The following GALNT14 variants were observed in gnomAD, a reference collection of about 807,000 sequenced individuals.
GALNT14 encodes the protein polypeptide N-acetylgalactosaminyltransferase 14.
In GALNT14, 60 loss-of-function variants were observed where a neutral mutation model predicts 77.5. The observed-to-expected ratio is 0.77, with a 90% CI of 0.63 to 0.96. The LOEUF is 0.96. Ranked by LOEUF, GALNT14 falls within the 40% of genes least tolerant of loss-of-function variation. The probability of loss-of-function intolerance (pLI) is 0.00; values close to 1 mark genes in which losing one functional copy is unlikely to be tolerated. For synonymous variants in GALNT14, 280 were observed against 281.7 expected (o/e 0.99, Z 0.06); for missense variants, 710 against 731.0 (o/e 0.97, Z 0.33).
chr2:30,908,756 T>G (rs1664213845), downstream of GALNT14, among the ~76,000 whole-genome samples: 1 of 130,610 alleles, frequency 7.7e-6, no homozygotes, highest in Admixed American at 7.8e-5. Flanking sequence ...GCCAAGTCAA[T>G]CCTAAGCCAA....
intron 1 of GALNT14, among the ~76,000 whole-genome samples, chr2:31,025,642 G>C (rs1246847989): frequency 2.6e-5 from 4 of 152,208 alleles, no homozygotes; most frequent in African/African-American, 9.6e-5. Context: ...TGAGGACAAG[G>C]TTGAAAGCAT....
chr2:31,026,342 A>C (rs1438100725), intron 1 of GALNT14, among the ~76,000 whole-genome samples: 1 of 152,182 alleles, frequency 6.6e-6, no homozygotes, highest in Admixed American at 6.5e-5. Context: ...TAGTCTTAGC[A>C]CGAGGATGCT....
At position 30,932,142 on chromosome 2, in the gene GALNT14, G is replaced by A. The variant is rs1435857111; in HGVS notation, c.984C>T (p.Cys328=). Residue 328 remains cysteine (C), a synonymous_variant, in exon 10 of 15, where the codon TGC becomes TGT. Coordinates refer to ENST00000349752, the MANE Select transcript of GALNT14 (RefSeq NM_024572.4). ...TCCGGAAGACGTGCCCCACTCGGCT[G>A]CAGGGGACGATCTCTAGGCTGCCCC... ...MCGGSLEIVP[C]SRVGHVFRKK... The A allele has an allele frequency of 3.2e-6, 5 of 1,570,862 alleles. No homozygotes were observed. The highest frequency in any genetic ancestry group is 3.5e-6 in the Non-Finnish European group (4 of 1,158,418).
chr2:30,942,269 T>A lies in GALNT14; in HGVS notation c.863A>T (p.Asp288Val). The stretch of plus-strand genomic sequence containing the variant: ...CCCCAGGTAATCAAACCAAGCTTTG[T>A]CGATCACGAAGAGCCCTCCAGCTAT... ...PIIAGGLFVIDKAWFDYLGKY... is the reference protein window; with the variant it reads ...PIIAGGLFVIVKAWFDYLGKY... The change falls in exon 9 of 15, where the codon GAC becomes GTC. Residue 288 changes from aspartate to valine, a missense_variant. Physicochemically the swap from Asp to Val is radical, Grantham distance 152. Transcript: ENST00000349752. The A allele has an allele frequency of 1.2e-6, 2 of 1,614,116 alleles. No individual in the cohort carries two copies. The highest frequency in any genetic ancestry group is 1.7e-6 in the Non-Finnish European group (2 of 1,180,012).
chr2:30,998,101 C>T (rs1263684766), intron 1 of GALNT14, among the ~76,000 whole-genome samples: 1 of 152,150 alleles, frequency 6.6e-6, no homozygotes, highest in African/African-American at 2.4e-5. Context: ...ATAAGCCAGG[C>T]ACAGAAAGAC....
At chr2:31,102,297 T>C (rs1330342364) in intron 1 of GALNT14, among the ~76,000 whole-genome samples, 1 of 152,158 alleles carries the variant, frequency 6.6e-6, no homozygotes, top group Non-Finnish European at 1.5e-5. Flanking sequence ...AGCCATCAGT[T>C]TTCCTCTGAG....
In GALNT14 at chr2:31,130,255, G is replaced by A. The variant is rs7607657; in HGVS notation, c.129+7703C>T. On this transcript the variant is annotated intron_variant, in intron 1 of 14. Transcript: ENST00000349752. ...CCAGCGATAAGGGCTCCTGCTGATAGAAAGGCCAGAGTGGCAACCTCCTTC... is the reference window on the plus strand; with the variant it reads ...CCAGCGATAAGGGCTCCTGCTGATAAAAAGGCCAGAGTGGCAACCTCCTTC... Among the ~76,000 whole-genome samples the A allele has an allele frequency of 2.4e-3, 361 of 152,318 alleles. 4 individuals carry two copies. The highest frequency in any genetic ancestry group is 8.1e-3 in the African/African-American group (336 of 41,550).
intron 2 of GALNT14, among the ~76,000 whole-genome samples, chr2:30,981,901 T>G (rs1391745920): frequency 1.3e-5 from 2 of 152,192 alleles, no homozygotes; most frequent in African/African-American, 4.8e-5. Context: ...GCATGCACTT[T>G]CGCAGGCTCA....
At chr2:31,079,006 T>G (rs1481981472) in intron 1 of GALNT14, 1 of 1,288,146 alleles carries the variant, frequency 7.8e-7, no homozygotes, top group Admixed American at 2.3e-5. Flanking sequence ...AGTGGGCTGC[T>G]GAAATTGCAT....
chr2:31,010,416 G>A (rs887803766), intron 1 of GALNT14, among the ~76,000 whole-genome samples: 18 of 152,146 alleles, frequency 1.2e-4, no homozygotes, highest in Non-Finnish European at 2.1e-4. Context: ...TGGCTAACAC[G>A]GTAAAACCCC....
At chr2:30,889,895 C>T in the GALNT14 span, among the ~76,000 whole-genome samples, 9 of 152,178 alleles carry the variant, frequency 5.9e-5, no homozygotes, top group African/African-American at 2.2e-4. Context: ...TATTTTCTTG[C>T]TTGCCTAACT....
intron 3 of GALNT14, among the ~76,000 whole-genome samples, chr2:30,962,571 A>G (rs1004886471): frequency 6.6e-6 from 1 of 152,190 alleles, no homozygotes; most frequent in Admixed American, 6.5e-5. Flanking sequence ...ACCACTCTTC[A>G]GGGCTTGTTT....
chr2:31,057,380 A>G (rs1354912088), intron 1 of GALNT14, among the ~76,000 whole-genome samples: 2 of 131,502 alleles, frequency 1.5e-5, no homozygotes, highest in African/African-American at 6.5e-5. Context: ...GTGTGTATAT[A>G]TATATATATA....
intron 9 of GALNT14, among the ~76,000 whole-genome samples, chr2:30,937,356 T>C (rs1572996901): frequency 6.6e-6 from 1 of 152,246 alleles, no homozygotes; most frequent in African/African-American, 2.4e-5. Context: ...CCCACAAACT[T>C]AGTGGGTGGG....
At chr2:31,120,854 C>A (rs532831880) in intron 1 of GALNT14, among the ~76,000 whole-genome samples, 3 of 152,238 alleles carry the variant, frequency 2.0e-5, no homozygotes, top group Non-Finnish European at 4.4e-5. Flanking sequence ...CCACGCCCAG[C>A]CATGGACACA....
chr2:31,105,417 G>A (rs1283903238), intron 1 of GALNT14, among the ~76,000 whole-genome samples: 6 of 152,160 alleles, frequency 3.9e-5, no homozygotes, highest in African/African-American at 1.4e-4. Flanking sequence ...ACTTCTCTGA[G>A]GCCCCCTGGT....
At chr2:31,016,300 G>A (rs1671351927) in intron 1 of GALNT14, among the ~76,000 whole-genome samples, 1 of 152,052 alleles carries the variant, frequency 6.6e-6, no homozygotes, top group Admixed American at 6.6e-5. Flanking sequence ...CTTCTTGTAA[G>A]GACACCAATC....
At position 31,120,088 on chromosome 2, in the gene GALNT14, G is replaced by A. The variant is rs983641873; in HGVS notation, c.129+17870C>T. On this transcript the variant is annotated intron_variant, in intron 1 of 14. Coordinates refer to ENST00000349752, the MANE Select transcript of GALNT14 (RefSeq NM_024572.4). ...GGAGAATGGCGTGAACCCGGGAGGCGGAGCTTGCAGTGAGCCGAGATCGCG... is the reference window on the plus strand; with the variant it reads ...GGAGAATGGCGTGAACCCGGGAGGCAGAGCTTGCAGTGAGCCGAGATCGCG... Among the ~76,000 whole-genome samples, 3 of 76,110 alleles carry A rather than the reference G, an allele frequency of 3.9e-5. 1 individual carries two copies. The highest frequency in any genetic ancestry group is 1.1e-4 in the Non-Finnish European group (3 of 26,812). The allele number at this position is 76,110 out of a possible 152,430, so 49.9% of individuals were successfully genotyped here.
chr2:31,031,253 G>A lies in GALNT14; in HGVS notation c.130-38246C>T, dbSNP rs533534489. On this transcript the variant is annotated intron_variant, in intron 1 of 14. Coordinates refer to ENST00000349752, the MANE Select transcript of GALNT14 (RefSeq NM_024572.4). ...CCTGTCAGGTCACCCCAGAGAACAG[G>A]CAGCCCCAGAGGTTGGGGAGAAAGT... Among the ~76,000 whole-genome samples, 240 of 152,138 alleles carry A rather than the reference G, an allele frequency of 1.6e-3. 2 individuals are homozygous for A. Among genetic ancestry groups the A allele is most frequent in the African/African-American group, 5.5e-3 (228 of 41,500 alleles).
Sources: gnomAD v4.1 joint callset for allele counts (sites outside exome capture counted in the v4.1 genomes callset) on GRCh38, gnomAD v4.1.1 for gene constraint, MANE v1.5 for transcripts, NCBI Gene and HGNC (gene_info 2026-07-23, HGNC 2026-07-21) for gene names.